NRG3: variants seen among roughly 807,000 people sequenced by gnomAD.
NRG3 encodes pro-neuregulin-3, membrane-bound isoform.
A neutral mutation model predicts 66.9 loss-of-function variants in NRG3; 31 were observed. That is an observed-to-expected ratio of 0.46 (90% CI 0.35 to 0.63). The LOEUF (loss-of-function observed/expected upper bound fraction) is 0.63. Ranked by LOEUF, NRG3 falls within the 20% of genes least tolerant of loss-of-function variation. The pLI, the probability that NRG3 is intolerant of heterozygous loss-of-function variation, is 0.00. For synonymous variants in NRG3, 393 were observed against 359.4 expected (o/e 1.09, Z -1.06); for missense variants, 910 against 878.9 (o/e 1.04, Z -0.45).
chr10:82,078,724 T>G (rs752730448), intron 1 of NRG3, among the ~76,000 whole-genome samples: 1 of 152,220 alleles, frequency 6.6e-6, no homozygotes, highest in Non-Finnish European at 1.5e-5. Context: ...TAATGCATCT[T>G]TAAGTGCTAA....
At chr10:82,004,983 G>A (rs2061329400) in intron 1 of NRG3, among the ~76,000 whole-genome samples, 1 of 152,240 alleles carries the variant, frequency 6.6e-6, no homozygotes, top group Admixed American at 6.5e-5. Context: ...AGTACATACT[G>A]TCATGCTTGT....
intron 2 of NRG3, among the ~76,000 whole-genome samples, chr10:82,564,167 T>C (rs753555039): frequency 2.0e-5 from 3 of 152,160 alleles, no homozygotes; most frequent in Non-Finnish European, 4.4e-5. Context: ...GCATACATTG[T>C]TTGGATAAAC....
rs752082175 is a variant in NRG3, at chr10:82,562,131, A to C, written c.954-176446A>C. On this transcript the variant is annotated intron_variant, in intron 2 of 8. Transcript: ENST00000372141. ...ATTTTGTTTTCACAAGGGACATCTGAAATATTACGGTGCTAAATTATGTGC... is the reference window on the plus strand; with the variant it reads ...ATTTTGTTTTCACAAGGGACATCTGCAATATTACGGTGCTAAATTATGTGC... Among the ~76,000 whole-genome samples, 35 of 152,222 alleles carry C rather than the reference A, an allele frequency of 2.3e-4. 1 individual carries two copies. The highest frequency in any genetic ancestry group is 2.2e-3 in the Admixed American group (33 of 15,276).
intron 3 of NRG3, among the ~76,000 whole-genome samples, chr10:82,775,226 T>C (rs1416338451): frequency 6.6e-6 from 1 of 152,004 alleles, no homozygotes; most frequent in Non-Finnish European, 1.5e-5. Context: ...TTTTTTTTTT[T>C]TTTAAGTAGG....
At chr10:82,288,491 AG>A (rs1477044184) in intron 1 of NRG3, among the ~76,000 whole-genome samples, 1 of 152,130 alleles carries the variant, frequency 6.6e-6, no homozygotes, top group Non-Finnish European at 1.5e-5. Flanking sequence ...GGCAGCAAGG[AG>A]GAGGCAGCCT....
intron 3 of NRG3, among the ~76,000 whole-genome samples, chr10:82,797,440 G>A (rs1442910312): frequency 3.3e-5 from 5 of 152,048 alleles, no homozygotes; most frequent in Non-Finnish European, 4.4e-5. Context: ...ATTTCAGGTG[G>A]GTCATGTCCA....
intron 3 of NRG3, chr10:82,843,325 G>T (rs2063153064): frequency 1.6e-5 from 7 of 434,990 alleles, no homozygotes; most frequent in Non-Finnish European, 2.8e-5. Context: ...AGCTCCCTTT[G>T]CTCTCTCTGA....
chr10:82,656,304 T>A (rs952029822), intron 2 of NRG3, among the ~76,000 whole-genome samples: 4 of 109,782 alleles, frequency 3.6e-5, no homozygotes, highest in Admixed American at 2.6e-4. Flanking sequence ...TTTCTTTCTT[T>A]TTTCTTTTTT....
intron 1 of NRG3, among the ~76,000 whole-genome samples, chr10:82,136,545 A>G (rs1034743253): frequency 6.6e-6 from 1 of 152,152 alleles, no homozygotes; most frequent in African/African-American, 2.4e-5. Context: ...CAAAGCCACA[A>G]TACAATGTTT....
intron 1 of NRG3, among the ~76,000 whole-genome samples, chr10:81,976,911 A>C (rs539676710): frequency 4.6e-5 from 7 of 152,312 alleles, no homozygotes; most frequent in Admixed American, 2.0e-4. Context: ...ACACTCACAC[A>C]CAAATCTTCT....
intron 2 of NRG3, among the ~76,000 whole-genome samples, chr10:82,571,323 A>C (rs1240887100): frequency 6.6e-6 from 1 of 151,658 alleles, no homozygotes; most frequent in East Asian, 1.9e-4. Flanking sequence ...TAGAGAAAAA[A>C]TGTTTTCCCT....
At chr10:81,983,277 A>C (rs1340197450) in intron 1 of NRG3, among the ~76,000 whole-genome samples, 1 of 152,152 alleles carries the variant, frequency 6.6e-6, no homozygotes, top group East Asian at 1.9e-4. Flanking sequence ...TTAAAATAAA[A>C]ATTGTTCTAG....
At chr10:82,966,372 G>T (rs1851209323) in intron 6 of NRG3, among the ~76,000 whole-genome samples, 1 of 152,104 alleles carries the variant, frequency 6.6e-6, no homozygotes. Flanking sequence ...TTTGGAGGAT[G>T]CCCCTTTATT....
intron 2 of NRG3, among the ~76,000 whole-genome samples, chr10:82,526,451 T>C (rs950215538): frequency 7.9e-5 from 12 of 151,848 alleles, no homozygotes; most frequent in African/African-American, 2.9e-4. Context: ...AAACAGATTA[T>C]CAGATTGAAC....
chr10:81,970,663 G>A (rs61862903), intron 1 of NRG3, among the ~76,000 whole-genome samples: 2 of 152,162 alleles, frequency 1.3e-5, no homozygotes, highest in South Asian at 2.1e-4. Flanking sequence ...GTGTGTGTGT[G>A]GGTGTGTGGT....
At chr10:82,347,570 A>C (rs2135461873) in intron 1 of NRG3, among the ~76,000 whole-genome samples, 1 of 151,644 alleles carries the variant, frequency 6.6e-6, no homozygotes, top group East Asian at 2.0e-4. Flanking sequence ...AGTTCTGTAG[A>C]TGTCTATTAG....
intron 2 of NRG3, among the ~76,000 whole-genome samples, chr10:82,591,206 A>G (rs1590793916): frequency 6.6e-6 from 1 of 152,182 alleles, no homozygotes; most frequent in Non-Finnish European, 1.5e-5. Flanking sequence ...TAATGTCCCA[A>G]CCTATTCAGT....
chr10:82,073,296 C>T (rs906786875), intron 1 of NRG3, among the ~76,000 whole-genome samples: 2 of 152,042 alleles, frequency 1.3e-5, no homozygotes, highest in African/African-American at 2.4e-5. Flanking sequence ...TTTAGAGATG[C>T]GTGAGATCGG....
intron 2 of NRG3, among the ~76,000 whole-genome samples, chr10:82,583,808 C>T (rs959338898): frequency 2.0e-5 from 3 of 152,024 alleles, no homozygotes; most frequent in Non-Finnish European, 2.9e-5. Flanking sequence ...TTGTACTGAG[C>T]CTTTCAAATC....
Sources: gnomAD v4.1 joint callset for allele counts (sites outside exome capture counted in the v4.1 genomes callset) on GRCh38, gnomAD v4.1.1 for gene constraint, MANE v1.5 for transcripts, NCBI Gene and HGNC (gene_info 2026-07-23, HGNC 2026-07-21) for gene names.